The following NRG1 variants were observed in gnomAD, a reference collection of about 807,000 sequenced individuals.
NRG1 encodes the protein pro-neuregulin-1, membrane-bound isoform.
NRG1 carries 18 observed loss-of-function variants against 63.8 expected under a neutral mutation model. The ratio of observed to expected loss-of-function variants is 0.28; its 90% CI spans 0.19 to 0.42. NRG1 has a LOEUF of 0.42. Among genes scored for constraint, NRG1 ranks in the 10% least tolerant of loss-of-function variants. The pLI, the probability that NRG1 is intolerant of heterozygous loss-of-function variation, is 1.00. For synonymous variants in NRG1, 302 were observed against 301.3 expected (o/e 1.00, Z -0.02); for missense variants, 762 against 814.7 (o/e 0.94, Z 0.79).
intron 1 of NRG1, among the ~76,000 whole-genome samples, chr8:32,008,391 G>T (rs1814142570): frequency 6.6e-6 from 1 of 151,912 alleles, no homozygotes; most frequent in African/African-American, 2.4e-5. Flanking sequence ...AATTATAAGA[G>T]AAACAAAAGA....
chr8:32,078,743 T>G (rs1826985208), intron 1 of NRG1, among the ~76,000 whole-genome samples: 1 of 152,208 alleles, frequency 6.6e-6, no homozygotes, highest in Non-Finnish European at 1.5e-5. Flanking sequence ...TCCATTTCTC[T>G]TTTTATGTCC....
At chr8:32,594,123 T>C (rs1461217275) in intron 1 of NRG1, among the ~76,000 whole-genome samples, 1 of 152,194 alleles carries the variant, frequency 6.6e-6, no homozygotes. Flanking sequence ...TAGGATTTAC[T>C]TGGCAAGGGC....
intron 1 of NRG1, among the ~76,000 whole-genome samples, chr8:32,098,470 G>C (rs1388231360): frequency 6.6e-6 from 1 of 152,218 alleles, no homozygotes; most frequent in African/African-American, 2.4e-5. Flanking sequence ...AGAAATCCCA[G>C]AGTGTTAAGC....
At chr8:32,153,511 A>G (rs1006164414) in intron 1 of NRG1, among the ~76,000 whole-genome samples, 3 of 152,196 alleles carry the variant, frequency 2.0e-5, no homozygotes, top group African/African-American at 4.8e-5. Flanking sequence ...TGGTATGCAA[A>G]GAAAGTATGT....
At chr8:31,651,436 A>T (rs1804829363) in intron 1 of NRG1, among the ~76,000 whole-genome samples, 1 of 152,206 alleles carries the variant, frequency 6.6e-6, no homozygotes, top group African/African-American at 2.4e-5. Context: ...TACAATGTAG[A>T]TGGGGCATTG....
intron 1 of NRG1, among the ~76,000 whole-genome samples, chr8:31,812,110 T>C (rs1822945368): frequency 6.6e-6 from 1 of 152,172 alleles, no homozygotes; most frequent in Admixed American, 6.5e-5. Context: ...ATAGGATATT[T>C]TTGAACCTTG....
intron 1 of NRG1, among the ~76,000 whole-genome samples, chr8:32,491,339 C>G (rs1276485339): frequency 6.6e-6 from 1 of 152,052 alleles, no homozygotes; most frequent in Non-Finnish European, 1.5e-5. Context: ...AGGAGATACA[C>G]CTTTGAATCT....
intron 1 of NRG1, among the ~76,000 whole-genome samples, chr8:31,653,608 G>A (rs868558558): frequency 4.5e-4 from 68 of 152,300 alleles, no homozygotes; most frequent in African/African-American, 1.4e-3. Flanking sequence ...CTGCCTCATT[G>A]CAGTGGAAGA....
At chr8:32,743,931 T>G (rs992820789) in intron 7 of NRG1, among the ~76,000 whole-genome samples, 1 of 152,114 alleles carries the variant, frequency 6.6e-6, no homozygotes, top group Non-Finnish European at 1.5e-5. Flanking sequence ...TGAAAACAGC[T>G]GTAAACAATG....
chr8:32,264,573 G>T (rs908130013), intron 1 of NRG1, among the ~76,000 whole-genome samples: 3 of 152,178 alleles, frequency 2.0e-5, no homozygotes, highest in Non-Finnish European at 2.9e-5. Flanking sequence ...TAAAAAGACG[G>T]GAGGGACATT....
chr8:31,785,400 A>T (rs1005941001), intron 1 of NRG1, among the ~76,000 whole-genome samples: 1 of 152,208 alleles, frequency 6.6e-6, no homozygotes, highest in Non-Finnish European at 1.5e-5. Context: ...GTCCAGGTGC[A>T]GAAAAGAAAG....
intron 1 of NRG1, among the ~76,000 whole-genome samples, chr8:32,014,615 A>C (rs1815221073): frequency 6.6e-6 from 1 of 152,006 alleles, no homozygotes; most frequent in South Asian, 2.1e-4. Context: ...TGGATTAGGA[A>C]AAAATATAGA....
chr8:32,737,414 G>T (rs569725321), intron 6 of NRG1, among the ~76,000 whole-genome samples: 3 of 152,140 alleles, frequency 2.0e-5, no homozygotes. Flanking sequence ...AGCTGGGCAT[G>T]GTGGTGCATG....
intron 1 of NRG1, among the ~76,000 whole-genome samples, chr8:32,449,789 A>G (rs1220972873): frequency 4.6e-5 from 7 of 152,184 alleles, no homozygotes; most frequent in Non-Finnish European, 1.0e-4. Flanking sequence ...TCATCTATTA[A>G]CTTCCTACAC....
intron 1 of NRG1, among the ~76,000 whole-genome samples, chr8:31,821,094 T>C (rs561810625): frequency 2.0e-4 from 30 of 152,346 alleles, no homozygotes; most frequent in African/African-American, 7.0e-4. Flanking sequence ...ATGTAACTGC[T>C]ATGTAAATAG....
At chr8:32,530,249 A>C (rs1416924058) in intron 1 of NRG1, among the ~76,000 whole-genome samples, 3 of 152,060 alleles carry the variant, frequency 2.0e-5, no homozygotes, top group Non-Finnish European at 4.4e-5. Context: ...CTGGGACTAC[A>C]GGTGCCCGCC....
chr8:32,660,790 G>C (rs982247614), intron 5 of NRG1, among the ~76,000 whole-genome samples: 11 of 152,186 alleles, frequency 7.2e-5, no homozygotes, highest in African/African-American at 2.7e-4. Context: ...TGTTCATAAA[G>C]TGTTTGGAAT....
rs35142176 is a variant in NRG1, at chr8:32,668,212, CAA to C, written c.502+51340_502+51341del. Among the ~76,000 whole-genome samples the C allele has an allele frequency of 4.7e-4, 66 of 141,734 alleles. No homozygotes were observed. In the Middle Eastern group the frequency reaches 0.011, roughly 24 times the overall value. The allele number at this position is 141,734 out of a possible 152,430, so 93.0% of individuals were successfully genotyped here. ...AGGGCGACAGAGTGAGACTCCATCT[CAA>C]AAAAAAAAAAAAGTGACATGCTGGT... On this transcript the variant is annotated intron_variant, in intron 5 of 11. Transcript: ENST00000356819.
At chr8:31,712,625 AT>A (rs919367875) in intron 1 of NRG1, among the ~76,000 whole-genome samples, 2 of 152,134 alleles carry the variant, frequency 1.3e-5, no homozygotes, top group African/African-American at 4.8e-5. Context: ...AATGACAAAA[AT>A]TTTGGTTAGA....
Sources: allele counts gnomAD v4.1 joint callset (sites outside exome capture counted in the v4.1 genomes callset), GRCh38; gene constraint gnomAD v4.1.1; transcripts MANE v1.5; gene names NCBI Gene and HGNC (gene_info 2026-07-23, HGNC 2026-07-21).